Variants in LRMDA observed in about 807,000 individuals in gnomAD.
LRMDA encodes leucine rich melanocyte differentiation associated.
Under a neutral mutation model 29.8 loss-of-function variants are expected in LRMDA, and 18 were observed. That is an observed-to-expected ratio of 0.60 (90% CI 0.42 to 0.90). LRMDA has a LOEUF of 0.90. Among genes scored for constraint, LRMDA ranks in the 40% least tolerant of loss-of-function variants. LRMDA has a pLI of 0.00. For synonymous variants in LRMDA, 125 were observed against 109.4 expected (o/e 1.14, Z -0.89); for missense variants, 273 against 273.9 (o/e 1.00, Z 0.02).
At chr10:75,707,426 C>T (rs983093362) in intron 2 of LRMDA, among the ~76,000 whole-genome samples, 5 of 152,112 alleles carry the variant, frequency 3.3e-5, no homozygotes, top group African/African-American at 9.7e-5. Context: ...GTTAAGGGAC[C>T]GATCCAAGGT....
intron 2 of LRMDA, among the ~76,000 whole-genome samples, chr10:75,909,620 C>T (rs758723034): frequency 6.6e-6 from 1 of 151,994 alleles, no homozygotes; most frequent in Non-Finnish European, 1.5e-5. Flanking sequence ...TAGTTTATTC[C>T]AGAACTTTTA....
intron 2 of LRMDA, among the ~76,000 whole-genome samples, chr10:75,559,693 T>G (rs1181562001): frequency 6.7e-6 from 1 of 150,320 alleles, no homozygotes; most frequent in African/African-American, 2.4e-5. Context: ...TTAATCCATC[T>G]TAAATTAATT....
intron 5 of LRMDA, among the ~76,000 whole-genome samples, chr10:76,247,043 C>T (rs1249418637): frequency 2.0e-5 from 3 of 152,158 alleles, no homozygotes; most frequent in Non-Finnish European, 2.9e-5. Flanking sequence ...TTTATACCAG[C>T]CAGCTTCACT....
At position 76,468,795 on chromosome 10, in the gene LRMDA, C is replaced by T. The variant is rs541937656; in HGVS notation, c.602-88414C>T. The stretch of plus-strand genomic sequence containing the variant: ...AACTCTGAAATGCATCCTGAAGATA[C>T]GATAGTAGCACCTGTAACAAATTCC... On this transcript the variant is annotated intron_variant, in intron 6 of 6. Coordinates refer to ENST00000611255, the MANE Select transcript of LRMDA (RefSeq NM_001305581.2). Among the ~76,000 whole-genome samples, 6 of 152,182 alleles carry T rather than the reference C, an allele frequency of 3.9e-5. No homozygotes were observed. In the South Asian group the frequency reaches 1.0e-3, roughly 26 times the overall value.
chr10:76,126,337 C>T (rs1849882465), intron 5 of LRMDA, among the ~76,000 whole-genome samples: 1 of 152,158 alleles, frequency 6.6e-6, no homozygotes, highest in Non-Finnish European at 1.5e-5. Context: ...TTCACAATTG[C>T]AGATAGCGCA....
rs200345810 is a variant in LRMDA at position 76,540,752 on chromosome 10, A to G, written c.602-16457A>G. On this transcript the variant is annotated intron_variant, in intron 6 of 6. Transcript: ENST00000611255. ...CCTGGGTTGCCTCTTTATTTTTCCT[A>G]AGAAACTGCAGAATGAGCATGTGTA... Among the ~76,000 whole-genome samples the G allele has an allele frequency of 5.9e-5, 9 of 152,310 alleles. No individual in the cohort carries two copies. In the East Asian group the frequency reaches 1.7e-3, roughly 29 times the overall value.
At chr10:76,081,082 C>T (rs1295290977) in intron 5 of LRMDA, among the ~76,000 whole-genome samples, 2 of 152,184 alleles carry the variant, frequency 1.3e-5, no homozygotes, top group African/African-American at 2.4e-5. Flanking sequence ...TCTGGAATGG[C>T]CCTGGTGACA....
intron 5 of LRMDA, among the ~76,000 whole-genome samples, chr10:76,193,060 A>T (rs1270441328): frequency 3.9e-5 from 6 of 152,142 alleles, no homozygotes; most frequent in Non-Finnish European, 8.8e-5. Flanking sequence ...TGCTTTGGAG[A>T]GTGGTCATCG....
rs535774979 is a variant in LRMDA at position 76,272,312 on chromosome 10, G to A, written c.517-52089G>A. On this transcript the variant is annotated intron_variant, in intron 5 of 6. Transcript: ENST00000611255. ...CCTCAATGGACTTGATGCCACATGG[G>A]ACTTGTATGGGGCATTGCTCTCACA... Among the ~76,000 whole-genome samples the A allele has an allele frequency of 3.2e-4, 48 of 152,262 alleles. No individual in the cohort carries two copies. In the Middle Eastern group the frequency reaches 0.01, roughly 32 times the overall value.
intron 5 of LRMDA, among the ~76,000 whole-genome samples, chr10:76,209,857 G>C (rs1851604923): frequency 6.6e-6 from 1 of 152,160 alleles, no homozygotes; most frequent in Admixed American, 6.5e-5. Flanking sequence ...ATGCTGGGGT[G>C]GGGAGTAGGA....
rs11001687 is a variant in LRMDA at position 76,212,522 on chromosome 10, G to C, written c.517-111879G>C. Reference sequence around the variant, plus strand: ...ATAATTCATTCACACCCCAATAAAAGTATGAATATTACCAATCAGCCCTCT... The same window carrying C: ...ATAATTCATTCACACCCCAATAAAACTATGAATATTACCAATCAGCCCTCT... On this transcript the variant is annotated intron_variant, in intron 5 of 6. Coordinates refer to ENST00000611255, the MANE Select transcript of LRMDA (RefSeq NM_001305581.2). Among the ~76,000 whole-genome samples the C allele has an allele frequency of 4.9e-3, 742 of 152,166 alleles. 8 individuals are homozygous for C. Among genetic ancestry groups the C allele is most frequent in the Middle Eastern group, 0.024 (7 of 294 alleles).
intron 2 of LRMDA, among the ~76,000 whole-genome samples, chr10:75,785,963 G>C (rs989447577): frequency 6.6e-5 from 10 of 152,172 alleles, no homozygotes; most frequent in African/African-American, 2.2e-4. Flanking sequence ...GGCCCTGCTT[G>C]GGCCTTTTCA....
At chr10:76,130,115 G>GTT (rs35171640) in intron 5 of LRMDA, among the ~76,000 whole-genome samples, 3 of 140,676 alleles carry the variant, frequency 2.1e-5, no homozygotes, top group Admixed American at 7.0e-5. Context: ...GCTGCTCAAA[G>GTT]TTTTTTTTTT....
At chr10:75,992,355 A>G (rs542633555) in intron 2 of LRMDA, among the ~76,000 whole-genome samples, 1 of 152,282 alleles carries the variant, frequency 6.6e-6, no homozygotes, top group Non-Finnish European at 1.5e-5. Flanking sequence ...TGGGTGGTCG[A>G]TGCTCCTGAC....
chr10:76,547,641 G>T (rs1464174918), intron 6 of LRMDA, among the ~76,000 whole-genome samples: 1 of 152,216 alleles, frequency 6.6e-6, no homozygotes, highest in East Asian at 1.9e-4. Flanking sequence ...TGGTGACGGG[G>T]TGGCTTTTTC....
intron 2 of LRMDA, among the ~76,000 whole-genome samples, chr10:75,486,755 G>C (rs1844919861): frequency 6.6e-6 from 1 of 152,180 alleles, no homozygotes; most frequent in Non-Finnish European, 1.5e-5. Flanking sequence ...TAGCAGTTGA[G>C]TCAGGGTCCC....
intron 5 of LRMDA, among the ~76,000 whole-genome samples, chr10:76,259,008 C>A (rs1334274812): frequency 6.6e-6 from 1 of 152,040 alleles, no homozygotes. Flanking sequence ...GATCATATGG[C>A]AGTTTTATTT....
At chr10:75,624,024 A>G (rs894547863) in intron 2 of LRMDA, among the ~76,000 whole-genome samples, 17 of 152,232 alleles carry the variant, frequency 1.1e-4, no homozygotes, top group African/African-American at 3.9e-4. Context: ...ATACGGAGCA[A>G]AATTACTCCA....
chr10:75,705,685 G>T (rs750861516), intron 2 of LRMDA, among the ~76,000 whole-genome samples: 5 of 152,166 alleles, frequency 3.3e-5, no homozygotes, highest in Non-Finnish European at 5.9e-5. Context: ...AACTGGAAAA[G>T]GAGGATGGGG....
Sources: allele counts gnomAD v4.1 joint callset (sites outside exome capture counted in the v4.1 genomes callset), GRCh38; gene constraint gnomAD v4.1.1; transcripts MANE v1.5; gene names NCBI Gene and HGNC (gene_info 2026-07-23, HGNC 2026-07-21).